Variants in NRXN1 observed in about 807,000 individuals in gnomAD.
The protein encoded by NRXN1 is neurexin 1.
A neutral mutation model predicts 150.9 loss-of-function variants in NRXN1; 39 were observed. The ratio of observed to expected loss-of-function variants is 0.26; its 90% CI spans 0.20 to 0.34. The LOEUF (loss-of-function observed/expected upper bound fraction) is 0.34, where lower values mean the gene tolerates loss of function less well. Ranked by LOEUF, NRXN1 falls within the 10% of genes least tolerant of loss-of-function variation. The pLI, the probability that NRXN1 is intolerant of heterozygous loss-of-function variation, is 1.00. For synonymous variants in NRXN1, 924 were observed against 757.0 expected (o/e 1.22, Z -3.62); for missense variants, 1,815 against 1,949.9 (o/e 0.93, Z 1.30).
intron 21 of NRXN1, among the ~76,000 whole-genome samples, chr2:49,969,045 A>G (rs752018661): frequency 2.8e-4 from 43 of 152,130 alleles, no homozygotes; most frequent in Admixed American, 6.6e-5. Flanking sequence ...AATTTTCAAC[A>G]TTCTGGAAAG....
At chr2:50,126,601 C>A (rs943589515) in intron 18 of NRXN1, among the ~76,000 whole-genome samples, 2 of 152,186 alleles carry the variant, frequency 1.3e-5, no homozygotes, top group East Asian at 3.9e-4. Context: ...CACATTCATT[C>A]TAAGCCTACG....
chr2:50,577,406 C>G (rs1027941853), intron 8 of NRXN1, among the ~76,000 whole-genome samples: 1 of 150,912 alleles, frequency 6.6e-6, no homozygotes, highest in Non-Finnish European at 1.5e-5. Context: ...GTATCTAATT[C>G]TATGTCTCAT....
chr2:50,076,324 A>T (rs1697099636), intron 19 of NRXN1, among the ~76,000 whole-genome samples: 1 of 152,198 alleles, frequency 6.6e-6, no homozygotes. Context: ...CGGGGAGGTT[A>T]GTGACTATTG....
In NRXN1 at chr2:50,922,685, G is replaced by C. The variant is rs1686227758; in HGVS notation, c.793C>G (p.Leu265Val). ...CSQEDNNVEG[L>V]AHLMMGDQGK... is the part of the protein sequence containing the mutation. ...TGGTCGCCCATCATCAGGTGCGCCAGACCTTGAAGGGAAACAAGAGCACAG... is the reference window on the plus strand; with the variant it reads ...TGGTCGCCCATCATCAGGTGCGCCACACCTTGAAGGGAAACAAGAGCACAG... The change falls in exon 4 of 23, where the codon CTG becomes GTG. Residue 265 changes from leucine (L) to valine (V), a missense_variant and splice_region_variant. Leu to Val is a conservative substitution (Grantham distance 32). Around this residue, in one of 6 missense-constraint regions of NRXN1, gnomAD observed 554 missense variants for 478.8 expected, o/e 1.16. Coordinates refer to ENST00000401669, the MANE Select transcript of NRXN1 (RefSeq NM_001330078.2). 1 of 1,610,502 alleles carries C rather than the reference G, an allele frequency of 6.2e-7. No homozygotes were observed. Among genetic ancestry groups the C allele is most frequent in the Non-Finnish European group, 8.5e-7 (1 of 1,178,120 alleles).
At chr2:50,383,496 G>A (rs2081114105) in intron 17 of NRXN1, among the ~76,000 whole-genome samples, 1 of 152,006 alleles carries the variant, frequency 6.6e-6, no homozygotes, top group Non-Finnish European at 1.5e-5. Flanking sequence ...CACAATAATT[G>A]TACATATTTA....
intron 9 of NRXN1, among the ~76,000 whole-genome samples, chr2:50,541,143 T>C (rs1232693350): frequency 1.3e-5 from 2 of 152,190 alleles, no homozygotes; most frequent in African/African-American, 4.8e-5. Flanking sequence ...GACAAATTAT[T>C]CCAAGTGTGG....
At chr2:50,323,209 A>G (rs760709220) in intron 17 of NRXN1, among the ~76,000 whole-genome samples, 1 of 152,188 alleles carries the variant, frequency 6.6e-6, no homozygotes, top group Non-Finnish European at 1.5e-5. Flanking sequence ...ACTTTAACAT[A>G]CAGCAGAATC....
At chr2:50,187,214 C>A (rs1433731672) in intron 18 of NRXN1, among the ~76,000 whole-genome samples, 1 of 152,044 alleles carries the variant, frequency 6.6e-6, no homozygotes, top group Admixed American at 6.6e-5. Context: ...GAATATTACA[C>A]ATCCTGAGAA....
At position 50,236,872 on chromosome 2, in the gene NRXN1, C is replaced by G. The variant is rs2065486237; in HGVS notation, c.3463G>C (p.Gly1155Arg). ...GCTTCTTTCTGAACAGTGCTAAAAC[C>G]TATGGCCAGTCTGTCTGCTCGTGTA... ...PSTRADRLAIGFSTVQKEAVL... is the reference protein window; with the variant it reads ...PSTRADRLAIRFSTVQKEAVL... Residue 1155 changes from glycine to arginine, a missense_variant, in exon 18 of 23, where the codon GGT (glycine) becomes CGT (arginine). By Grantham distance (125) the Gly-to-Arg change is moderately radical. Transcript: ENST00000401669. 2 of 1,613,324 alleles carry G rather than the reference C, an allele frequency of 1.2e-6. No homozygotes were observed. Among genetic ancestry groups the G allele is most frequent in the Non-Finnish European group, 1.7e-6 (2 of 1,179,636 alleles).
At position 51,027,964 on chromosome 2, in the gene NRXN1, G is replaced by T; in HGVS notation, c.310C>A (p.Leu104Met). The T allele has an allele frequency of 6.2e-7, 1 of 1,602,364 alleles. No homozygotes were observed. The highest frequency in any genetic ancestry group is 8.5e-7 in the Non-Finnish European group (1 of 1,179,488). ...CCGTCGTTAACCGGCGTGTCGGCCA[G>T]GAGCGTCGCAGGCTCAGCGCAGAAG... ...SIFCAEPATL[L>M]ADTPVNDGAW... is the part of the protein sequence containing the mutation. Residue 104 changes from leucine (L) to methionine (M), a missense_variant, in exon 2 of 23, where the codon CTG becomes ATG. This residue lies in a region of NRXN1 where 554 missense variants were observed against 478.8 expected (regional missense o/e 1.16). Transcript: ENST00000401669.
At chr2:50,097,473 C>T (rs1450485005) in intron 18 of NRXN1, among the ~76,000 whole-genome samples, 2 of 152,086 alleles carry the variant, frequency 1.3e-5, no homozygotes, top group Non-Finnish European at 2.9e-5. Flanking sequence ...TTTTGCTTCT[C>T]CAGAGACTAA....
intron 17 of NRXN1, among the ~76,000 whole-genome samples, chr2:50,355,714 G>A (rs1261547711): frequency 6.6e-6 from 1 of 151,694 alleles, no homozygotes; most frequent in African/African-American, 2.4e-5. Context: ...TCATTTTTTT[G>A]CTACCTTCTC....
chr2:50,723,744 C>T (rs1213935195), intron 5 of NRXN1, among the ~76,000 whole-genome samples: 1 of 152,174 alleles, frequency 6.6e-6, no homozygotes, highest in Non-Finnish European at 1.5e-5. Flanking sequence ...GCAGACACAA[C>T]GTGGTCAGGG....
At chr2:50,246,195 G>A (rs574303793) in intron 17 of NRXN1, among the ~76,000 whole-genome samples, 1 of 152,012 alleles carries the variant, frequency 6.6e-6, no homozygotes, top group Admixed American at 6.6e-5. Context: ...AGCCATCCAA[G>A]CCTTTGGCTT....
At chr2:50,776,236 C>G (rs1186717578) in intron 5 of NRXN1, among the ~76,000 whole-genome samples, 1 of 152,062 alleles carries the variant, frequency 6.6e-6, no homozygotes, top group Non-Finnish European at 1.5e-5. Context: ...AAACATTTTA[C>G]AGAATGATTT....
chr2:50,012,870 G>A (rs1353198725), intron 21 of NRXN1, among the ~76,000 whole-genome samples: 2 of 152,098 alleles, frequency 1.3e-5, no homozygotes, highest in Non-Finnish European at 2.9e-5. Flanking sequence ...CCCATGGAAT[G>A]GAATGGATTG....
rs542406137 is a variant in NRXN1 at position 50,474,537 on chromosome 2, C to G, written c.3071-2066G>C. Among the ~76,000 whole-genome samples the G allele has an allele frequency of 1.6e-3, 246 of 151,626 alleles. 2 individuals carry two copies. The highest frequency in any genetic ancestry group is 5.7e-3 in the African/African-American group (234 of 41,378). ...ACCTCTGTGCATTTCCTCAGGAGAA[C>G]TAAGAGGGAGCAGTGAGAGCTCTGA... On this transcript the variant is annotated intron_variant, in intron 15 of 22. Coordinates refer to ENST00000401669, the MANE Select transcript of NRXN1 (RefSeq NM_001330078.2).
At chr2:50,224,078 A>G (rs2152861741) in intron 18 of NRXN1, among the ~76,000 whole-genome samples, 1 of 152,064 alleles carries the variant, frequency 6.6e-6, no homozygotes, top group African/African-American at 2.4e-5. Flanking sequence ...TAGTGCATTC[A>G]CCTTGAGGGT....
chr2:50,874,386 T>C (rs1678250234), intron 5 of NRXN1, among the ~76,000 whole-genome samples: 1 of 151,800 alleles, frequency 6.6e-6, no homozygotes, highest in Non-Finnish European at 1.5e-5. Flanking sequence ...TGTTTTAAAA[T>C]GGGCATTTTT....
Sources: allele counts gnomAD v4.1 joint callset (sites outside exome capture counted in the v4.1 genomes callset), GRCh38; gene constraint gnomAD v4.1.1; regional missense constraint gnomAD v4.1.1; transcripts MANE v1.5; gene names NCBI Gene and HGNC (gene_info 2026-07-23, HGNC 2026-07-21).